TPP2: variants seen among roughly 807,000 people sequenced by gnomAD.
TPP2 encodes tripeptidyl-peptidase 2.
In TPP2, 34 loss-of-function variants were observed where a neutral mutation model predicts 155.9. The ratio of observed to expected loss-of-function variants is 0.22; its 90% CI spans 0.17 to 0.29. The LOEUF (loss-of-function observed/expected upper bound fraction) is 0.29. TPP2 is among the 10% of genes least tolerant of loss of function. TPP2 has a pLI of 1.00. For missense variants in TPP2, 1,028 were observed against 1,522.3 expected (o/e 0.68, Z 5.40); for synonymous variants, 510 against 529.4 (o/e 0.96, Z 0.50).
At chr13:102,646,146 A>G (rs1227924603) in intron 19 of TPP2, 148 bp from the exon 20 acceptor site, 1 of 500,552 alleles carries the variant, frequency 2.0e-6, no homozygotes, top group Admixed American at 3.9e-5. Context: ...AGTGATTAAA[A>G]TATTGTAGAG....
intron 6 of TPP2, among the ~76,000 whole-genome samples, chr13:102,625,745 C>T (rs1881574572): frequency 6.6e-6 from 1 of 152,252 alleles, no homozygotes. Flanking sequence ...AGAGGAGTCT[C>T]AGCATTGCTG....
At chr13:102,670,882 C>T (rs936772406) in intron 27 of TPP2, among the ~76,000 whole-genome samples, 1 of 152,168 alleles carries the variant, frequency 6.6e-6, no homozygotes, top group African/African-American at 2.4e-5. Context: ...TTTTCAGGTG[C>T]TATGATTAAA....
intron 27 of TPP2, among the ~76,000 whole-genome samples, chr13:102,673,194 C>T (rs1030646648): frequency 1.3e-5 from 2 of 152,112 alleles, no homozygotes; most frequent in Admixed American, 6.5e-5. Context: ...CTCCTTGGTG[C>T]GCAGGATTAA....
At chr13:102,664,976 G>T in intron 27 of TPP2, 51 bp downstream of exon 27, 1 of 1,597,068 alleles carries the variant, frequency 6.3e-7, no homozygotes. Flanking sequence ...TAGTTAACTT[G>T]TTTAAAAAGT....
chr13:102,636,854 A>G (rs1882414538), intron 13 of TPP2, among the ~76,000 whole-genome samples: 1 of 152,212 alleles, frequency 6.6e-6, no homozygotes, highest in African/African-American at 2.4e-5. Context: ...ACATTCACTT[A>G]AACTCTTTAT....
chr13:102,633,922 A>G lies in TPP2; in HGVS notation c.1245-28A>G, dbSNP rs570357657. 5.3e-4 allele frequency: 849 copies of G among 1,613,318 alleles called. 15 individuals are homozygous for G. In the South Asian group the frequency reaches 8.8e-3, roughly 17 times the overall value. Reference sequence around the variant, plus strand: ...ATGTATGTTTAGCTTTCACCATCCTAAGCAAACTTCAATGGCTTTCCATTT... The same window carrying G: ...ATGTATGTTTAGCTTTCACCATCCTGAGCAAACTTCAATGGCTTTCCATTT... On this transcript the variant is annotated intron_variant, in intron 10 of 29. Transcript: ENST00000376052.
chr13:102,672,230 G>A (rs1885027576), intron 27 of TPP2, among the ~76,000 whole-genome samples: 1 of 152,152 alleles, frequency 6.6e-6, no homozygotes, highest in Non-Finnish European at 1.5e-5. Context: ...GTCCCCCTAA[G>A]CCAGTGATGC....
chr13:102,663,066 A>G (rs888541632), intron 25 of TPP2, among the ~76,000 whole-genome samples: 2 of 151,732 alleles, frequency 1.3e-5, no homozygotes, highest in African/African-American at 4.8e-5. Context: ...ATTGATGCAT[A>G]TTTTTATTTG....
At position 102,666,154 on chromosome 13, in the gene TPP2, G is replaced by A. The variant is rs149756282; in HGVS notation, c.3371+1229G>A. ...AGTCTTCCAAACAACATGGAAGGCA[G>A]GGGCCTTTGTATCCCCCTTTTAAGG... On this transcript the variant is annotated intron_variant, in intron 27 of 29. Coordinates refer to ENST00000376052, the MANE Select transcript of TPP2 (RefSeq NM_001330588.2). Among the ~76,000 whole-genome samples, 377 of 152,294 alleles carry A rather than the reference G, an allele frequency of 2.5e-3. 1 individual carries two copies. Among genetic ancestry groups the A allele is most frequent in the African/African-American group, 8.5e-3 (354 of 41,564 alleles).
At chr13:102,636,485 G>T in intron 13 of TPP2, 93 bp downstream of exon 13, 1 of 1,383,678 alleles carries the variant, frequency 7.2e-7, no homozygotes, top group Non-Finnish European at 9.7e-7. Context: ...GGCCAGTGTT[G>T]TGAAGAGAAT....
At chr13:102,621,521 G>A (rs1278149448) in intron 5 of TPP2, among the ~76,000 whole-genome samples, 1 of 152,184 alleles carries the variant, frequency 6.6e-6, no homozygotes, top group African/African-American at 2.4e-5. Flanking sequence ...GATGTTGGAG[G>A]AACTGTGAGA....
In TPP2 at chr13:102,627,166, T is replaced by C; in HGVS notation, c.939T>C (p.Ala313=). 6.4e-7 allele frequency: 1 copy of C among 1,559,710 alleles called. No homozygotes were observed. ...AAACAGGCACAGGCCTCATAAGAGC[T>C]GTGAGTGTTTGTGAGTTGTTGATTC... ...TMETGTGLIR[A]MIEVINHKCD... The change falls in exon 7 of 30, where the codon GCT becomes GCC. Residue 313 remains alanine, a splice_region_variant and synonymous_variant. Coordinates refer to ENST00000376052, the MANE Select transcript of TPP2 (RefSeq NM_001330588.2).
rs550521547 is a variant in TPP2, at chr13:102,672,326, G to A, written c.3372-1957G>A. ...ACAAACATTGTCGACCCCCCAAGTA[G>A]AAAGCAGTCCTGCTTGTGAATGATC... On this transcript the variant is annotated intron_variant, in intron 27 of 29. Coordinates refer to ENST00000376052, the MANE Select transcript of TPP2 (RefSeq NM_001330588.2). Among the ~76,000 whole-genome samples the A allele has an allele frequency of 1.2e-4, 19 of 152,282 alleles. No individual in the cohort carries two copies. In the East Asian group the frequency reaches 3.7e-3, roughly 29 times the overall value.
intron 11 of TPP2, 42 bp from the exon 12 acceptor site, chr13:102,635,545 A>G: frequency 2.7e-6 from 4 of 1,478,098 alleles, no homozygotes; most frequent in South Asian, 1.1e-5. Flanking sequence ...AAGGTTTCAG[A>G]TAGTGAGTGC....
At chr13:102,646,098 A>G (rs1251978429) in intron 19 of TPP2, among the ~76,000 whole-genome samples, 196 bp from the exon 20 acceptor site, 2 of 152,376 alleles carry the variant, frequency 1.3e-5, no homozygotes, top group Admixed American at 6.5e-5. Flanking sequence ...TCTAAACTGT[A>G]TGTATTGATA....
At chr13:102,614,322 G>T (rs1459878337) in intron 3 of TPP2, 126 bp downstream of exon 3, 1 of 756,938 alleles carries the variant, frequency 1.3e-6, no homozygotes, top group Non-Finnish European at 2.0e-6. Context: ...TGGGTGGTTG[G>T]TGGCTTTCAA....
At chr13:102,640,402 C>T (rs764503076) in intron 16 of TPP2, 26 bp downstream of exon 16, 1 of 1,549,438 alleles carries the variant, frequency 6.5e-7, no homozygotes, top group South Asian at 1.1e-5. Flanking sequence ...ATCTGTGTGA[C>T]CGCTTATCTC....
intron 3 of TPP2, among the ~76,000 whole-genome samples, chr13:102,616,165 C>T (rs1880707121): frequency 6.6e-6 from 1 of 152,128 alleles, no homozygotes; most frequent in Admixed American, 6.5e-5. Flanking sequence ...CCTTGTTGGC[C>T]AGGCTGGTCT....
At chr13:102,598,855 A>C (rs528024832) in intron 1 of TPP2, among the ~76,000 whole-genome samples, 1 of 152,282 alleles carries the variant, frequency 6.6e-6, no homozygotes, top group East Asian at 1.9e-4. Flanking sequence ...AAAATTGATT[A>C]TAAGAGGACT....
Sources: gnomAD v4.1 joint callset for allele counts (sites outside exome capture counted in the v4.1 genomes callset) on GRCh38, gnomAD v4.1.1 for gene constraint, MANE v1.5 for transcripts, NCBI Gene and HGNC (gene_info 2026-07-23, HGNC 2026-07-21) for gene names.